Variants in ECT2 observed in about 807,000 individuals in gnomAD.
The protein encoded by ECT2 is protein ECT2.
ECT2 carries 61 observed loss-of-function variants against 116.9 expected under a neutral mutation model. The ratio of observed to expected loss-of-function variants is 0.52; its 90% confidence interval spans 0.42 to 0.65. ECT2 has a LOEUF of 0.65. Ranked by LOEUF, ECT2 falls within the 30% of genes least tolerant of loss-of-function variation. The probability of loss-of-function intolerance (pLI) is 0.00; values close to 1 mark genes in which losing one functional copy is unlikely to be tolerated. For missense variants in ECT2, 937 were observed against 1,078.7 expected, an observed-to-expected ratio of 0.87 and a Z score of 1.84; for synonymous variants, 358 against 346.4, an observed-to-expected ratio of 1.03 and a Z score of -0.37.
chr3:172,803,114 G>A (rs760545019), intron 20 of ECT2, 134 bp downstream of exon 20: 6 of 840,706 alleles, frequency 7.1e-6, no homozygotes, highest in Non-Finnish European at 1.0e-5. Context: ...TAAAAAAATC[G>A]AGGACAATTT....
intron 20 of ECT2, 145 bp from the exon 21 acceptor site, chr3:172,805,586 T>C (rs977356368): frequency 3.9e-6 from 3 of 765,832 alleles, no homozygotes; most frequent in Non-Finnish European, 6.0e-6. Context: ...TGTTACATAG[T>C]AACTCTGCTT....
At chr3:172,806,972 A>T (rs4619813) in intron 21 of ECT2, among the ~76,000 whole-genome samples, 11 of 151,996 alleles carry the variant, frequency 7.2e-5, no homozygotes, top group Admixed American at 4.6e-4. Flanking sequence ...AAACTTGAAC[A>T]GCAACTTCCT....
At chr3:172,793,576 G>A (rs980365284) in intron 18 of ECT2, among the ~76,000 whole-genome samples, 7 of 151,848 alleles carry the variant, frequency 4.6e-5, no homozygotes, top group African/African-American at 1.5e-4. Flanking sequence ...CAATTCTCCC[G>A]CCTCAGCCTC....
At chr3:172,776,837 T>C (rs1721822896) in intron 14 of ECT2, among the ~76,000 whole-genome samples, 2 of 151,664 alleles carry the variant, frequency 1.3e-5, no homozygotes. Context: ...TAATATCACA[T>C]AGTGGTTAAG....
At chr3:172,817,711 G>T (rs1292497160) in intron 24 of ECT2, among the ~76,000 whole-genome samples, 1 of 152,050 alleles carries the variant, frequency 6.6e-6, no homozygotes, top group African/African-American at 2.4e-5. Flanking sequence ...GTATTTGAGT[G>T]AAATATCTGT....
chr3:172,794,661 G>A (rs1053369631), intron 18 of ECT2, among the ~76,000 whole-genome samples: 4 of 152,130 alleles, frequency 2.6e-5, no homozygotes, highest in Non-Finnish European at 5.9e-5. Flanking sequence ...TGGGGAATGT[G>A]TATAGGAATT....
chr3:172,789,928 A>G (rs575115486), intron 18 of ECT2, among the ~76,000 whole-genome samples: 1 of 152,312 alleles, frequency 6.6e-6, no homozygotes, highest in East Asian at 1.9e-4. Context: ...CCTCAAAGTC[A>G]TCCATAAGGA....
At chr3:172,782,064 T>C (rs922002778) in intron 14 of ECT2, 99 bp from the exon 15 acceptor site, 1 of 576,226 alleles carries the variant, frequency 1.7e-6, no homozygotes, top group African/African-American at 1.9e-5. Context: ...TAAGACACTT[T>C]GTAAAGTGCT....
At chr3:172,827,634 G>T in the ECT2 span, among the ~76,000 whole-genome samples, 1 of 152,288 alleles carries the variant, frequency 6.6e-6, no homozygotes, top group Non-Finnish European at 1.5e-5. Flanking sequence ...GAAGGGTAGT[G>T]GGGAAGGAGG....
At chr3:172,798,598 T>C (rs1299403431) in intron 18 of ECT2, among the ~76,000 whole-genome samples, 2 of 152,162 alleles carry the variant, frequency 1.3e-5, no homozygotes, top group Admixed American at 1.3e-4. Flanking sequence ...TTTAAAATAT[T>C]GTTGGTTCTT....
Position 172,782,212 on chromosome 3 carries a change from G to C in ECT2, c.1598G>C (p.Gly533Ala), listed in dbSNP as rs753059444. 5.7e-6 allele frequency: 9 copies of C among 1,570,590 alleles called. No individual in the cohort carries two copies. The South Asian group carries it at 8.3e-5, about 14-fold the overall frequency. The stretch of plus-strand genomic sequence containing the variant: ...AATTGGGATGAGAGCAAAAGCATTG[G>C]TGACATTTTTCTGAAATATGTAAGT... The part of the protein sequence containing the change: ...IVNWDESKSI[G>A]DIFLKYSKDL... The change falls in exon 15 of 25, where the codon GGT becomes GCT. Residue 533 changes from glycine (G) to alanine (A), a missense_variant. Gly to Ala is a moderately conservative substitution (Grantham distance 60). Coordinates refer to ENST00000392692, the MANE Select transcript of ECT2 (RefSeq NM_001258315.2).
chr3:172,796,432 A>G (rs191357961), intron 18 of ECT2: 2 of 152,270 alleles, frequency 1.3e-5, no homozygotes, highest in Non-Finnish European at 1.5e-5. Context: ...GTAGGTTTTA[A>G]TTTTTAATTC....
chr3:172,815,533 A>G (rs1729528135), intron 22 of ECT2, 71 bp from the exon 23 acceptor site: 1 of 930,190 alleles, frequency 1.1e-6, no homozygotes, highest in Admixed American at 2.4e-5. Context: ...ATATATAAAT[A>G]TGCTTAAAAG....
At chr3:172,787,727 A>T (rs1480656225) in intron 18 of ECT2, among the ~76,000 whole-genome samples, 1 of 152,152 alleles carries the variant, frequency 6.6e-6, no homozygotes, top group Admixed American at 6.5e-5. Flanking sequence ...AACAAACTTT[A>T]TGAAGTAGGC....
chr3:172,774,714 G>T (rs1455333398), intron 14 of ECT2, among the ~76,000 whole-genome samples: 1 of 152,128 alleles, frequency 6.6e-6, no homozygotes. Flanking sequence ...GTGTTGCCCA[G>T]GCTGGTCTCA....
intron 7 of ECT2, among the ~76,000 whole-genome samples, chr3:172,761,253 C>G (rs1718232879): frequency 6.6e-6 from 1 of 152,114 alleles, no homozygotes; most frequent in African/African-American, 2.4e-5. Context: ...TATTTCAACT[C>G]ATATCTAAGG....
intron 18 of ECT2, among the ~76,000 whole-genome samples, chr3:172,794,828 C>T (rs934855448): frequency 1.3e-5 from 2 of 152,058 alleles, no homozygotes; most frequent in African/African-American, 2.4e-5. Flanking sequence ...GATTCCCCAG[C>T]GTCAGCCTCC....
intron 18 of ECT2, chr3:172,796,496 A>T (rs1313027837): frequency 6.6e-6 from 1 of 152,072 alleles, no homozygotes; most frequent in South Asian, 2.1e-4. Flanking sequence ...TTTCTTTTTC[A>T]ATTAGCAGTA....
At chr3:172,818,990 G>A (rs1730270248) in intron 24 of ECT2, among the ~76,000 whole-genome samples, 1 of 151,992 alleles carries the variant, frequency 6.6e-6, no homozygotes, top group Non-Finnish European at 1.5e-5. Context: ...GAAAAAATAA[G>A]TTCCATTAGA....
Sources: allele counts gnomAD v4.1 joint callset (sites outside exome capture counted in the v4.1 genomes callset), GRCh38; gene constraint gnomAD v4.1.1; transcripts MANE v1.5; gene names NCBI Gene and HGNC (gene_info 2026-07-23, HGNC 2026-07-21).